The following DOCK3 variants were observed in gnomAD, a reference collection of about 807,000 sequenced individuals.
DOCK3 encodes dedicator of cytokinesis protein 3.
Under a neutral mutation model 265.6 loss-of-function variants are expected in DOCK3, and 60 were observed. That is an observed-to-expected ratio of 0.23 (90% CI 0.18 to 0.28). The LOEUF is 0.28. Ranked by LOEUF, DOCK3 falls within the 10% of genes least tolerant of loss-of-function variation. DOCK3 has a pLI of 1.00. For synonymous variants in DOCK3, 881 were observed against 938.0 expected (o/e 0.94, Z 1.11); for missense variants, 1,981 against 2,594.3 (o/e 0.76, Z 5.14).
At chr3:50,812,339 C>G (rs1028327889) in intron 2 of DOCK3, among the ~76,000 whole-genome samples, 1 of 152,220 alleles carries the variant, frequency 6.6e-6, no homozygotes, top group Non-Finnish European at 1.5e-5. Context: ...AGCACCCTCT[C>G]TTAAAGCCCA....
At chr3:51,074,780 C>T (rs1038065409) in intron 6 of DOCK3, among the ~76,000 whole-genome samples, 6 of 152,046 alleles carry the variant, frequency 3.9e-5, no homozygotes, top group South Asian at 2.1e-4. Context: ...CCATGGCACA[C>T]GTTCACCTGT....
intron 5 of DOCK3, among the ~76,000 whole-genome samples, chr3:50,952,041 G>A (rs2076605182): frequency 6.6e-6 from 1 of 152,096 alleles, no homozygotes; most frequent in Non-Finnish European, 1.5e-5. Flanking sequence ...GGGTTGACTG[G>A]GTAGCTTTAG....
At chr3:51,059,260 G>A (rs557335600) in intron 5 of DOCK3, among the ~76,000 whole-genome samples, 68 of 152,114 alleles carry the variant, frequency 4.5e-4, no homozygotes, top group Admixed American at 1.2e-3. Flanking sequence ...TCCCATTCAC[G>A]AGGGCTTGGC....
At chr3:50,726,865 T>C (rs1664510300) in intron 1 of DOCK3, among the ~76,000 whole-genome samples, 1 of 152,116 alleles carries the variant, frequency 6.6e-6, no homozygotes, top group Admixed American at 6.5e-5. Context: ...ATTGTGAGAC[T>C]TGCAAAGAAA....
chr3:50,933,006 C>T (rs1299316356), intron 4 of DOCK3, among the ~76,000 whole-genome samples: 1 of 152,182 alleles, frequency 6.6e-6, no homozygotes, highest in Non-Finnish European at 1.5e-5. Context: ...AGCAAAGTCA[C>T]ATCTTACATG....
rs183275945 is a variant in DOCK3 at position 51,256,570 on chromosome 3, G to A, written c.2185-3586G>A. ...ACAGGTGTGAGCCATCGCACCCAGC[G>A]AAGAGCTTGAGTTTTCGTTTTTGTT... On this transcript the variant is annotated intron_variant, in intron 22 of 52. Coordinates refer to ENST00000266037, the MANE Select transcript of DOCK3 (RefSeq NM_004947.5). 1.1e-4 allele frequency among the ~76,000 whole-genome samples: 17 copies of A among 150,202 alleles called. No homozygotes were observed. The South Asian group carries it at 2.5e-3, about 22-fold the overall frequency.
chr3:51,238,461 T>G (rs1313700193), intron 21 of DOCK3, among the ~76,000 whole-genome samples: 1 of 152,102 alleles, frequency 6.6e-6, no homozygotes, highest in African/African-American at 2.4e-5. Flanking sequence ...TGTTTGTTTT[T>G]TAATTTTATT....
chr3:50,725,741 C>T (rs903562328), intron 1 of DOCK3, among the ~76,000 whole-genome samples: 1 of 152,092 alleles, frequency 6.6e-6, no homozygotes, highest in Non-Finnish European at 1.5e-5. Flanking sequence ...GACTTTGTCT[C>T]AAATAATTGT....
intron 5 of DOCK3, among the ~76,000 whole-genome samples, chr3:51,049,816 C>T (rs191590815): frequency 1.1e-3 from 145 of 136,558 alleles, no homozygotes; most frequent in African/African-American, 3.6e-3. Flanking sequence ...CACACACACA[C>T]ACACACACAC....
At chr3:50,723,681 T>G (rs1373743250) in intron 1 of DOCK3, among the ~76,000 whole-genome samples, 1 of 152,136 alleles carries the variant, frequency 6.6e-6, no homozygotes, top group African/African-American at 2.4e-5. Flanking sequence ...CCTTACACCT[T>G]TTACAAAAAT....
At chr3:50,692,820 A>G (rs9826757) in intron 1 of DOCK3, among the ~76,000 whole-genome samples, 119,006 of 152,056 alleles carry the variant, frequency 0.78, 47,636 homozygotes, top group Middle Eastern at 0.89. Context: ...ATCCAGTGTC[A>G]TGAACCTTTC....
intron 5 of DOCK3, among the ~76,000 whole-genome samples, chr3:51,052,826 G>A (rs2081043413): frequency 6.6e-6 from 1 of 151,632 alleles, no homozygotes; most frequent in African/African-American, 2.4e-5. Flanking sequence ...CTTTTACTGT[G>A]GAATGTGTTT....
intron 5 of DOCK3, among the ~76,000 whole-genome samples, chr3:50,989,669 G>A (rs1422825721): frequency 1.3e-5 from 2 of 152,188 alleles, no homozygotes; most frequent in African/African-American, 2.4e-5. Flanking sequence ...AATCTACACA[G>A]TAGTTAAAGG....
intron 33 of DOCK3, among the ~76,000 whole-genome samples, chr3:51,330,968 A>G (rs1021980496): frequency 1.3e-5 from 2 of 152,236 alleles, no homozygotes; most frequent in Non-Finnish European, 2.9e-5. Context: ...AACCTCTAGC[A>G]TATTTTTTCA....
chr3:51,096,617 T>C (rs1342593947), intron 9 of DOCK3, among the ~76,000 whole-genome samples: 2 of 152,324 alleles, frequency 1.3e-5, no homozygotes, highest in East Asian at 3.9e-4. Context: ...GAGTTTGTTA[T>C]TACCCACCTT....
chr3:51,098,023 C>T (rs1464742818), intron 9 of DOCK3, among the ~76,000 whole-genome samples: 1 of 152,184 alleles, frequency 6.6e-6, no homozygotes, highest in Non-Finnish European at 1.5e-5. Flanking sequence ...GCGTTGATCT[C>T]GCTGGGAGCT....
chr3:51,312,507 T>C lies in DOCK3; in HGVS notation c.3125T>C (p.Leu1042Pro). 1.2e-6 allele frequency: 2 copies of C among 1,608,402 alleles called. No individual in the cohort carries two copies. The highest frequency in any genetic ancestry group is 4.5e-5 in the East Asian group (2 of 44,874). Reference sequence around the variant, plus strand: ...AATTCTTACTTTAGCCTGGCAGTTCTATTCATAAATCAGCCAAGCCTTCAG... The same window carrying C: ...AATTCTTACTTTAGCCTGGCAGTTCCATTCATAAATCAGCCAAGCCTTCAG... ...VWNSYFSLAV[L>P]FINQPSLQLE... is the part of the protein sequence containing the mutation. The change falls in exon 30 of 53, where the codon CTA (leucine) becomes CCA (proline). Residue 1042 changes from leucine to proline, a missense_variant. Physicochemically the swap from Leu to Pro is moderately conservative, Grantham distance 98. Around this residue, in one of 4 missense-constraint regions of DOCK3, gnomAD observed 1,357 missense variants for 1,866.8 expected, o/e 0.73. Coordinates refer to ENST00000266037, the MANE Select transcript of DOCK3 (RefSeq NM_004947.5).
chr3:51,349,039 C>CTTT (rs2085789689), intron 39 of DOCK3, 101 bp downstream of exon 39: 1 of 1,162,192 alleles, frequency 8.6e-7, no homozygotes, highest in Non-Finnish European at 1.2e-6. Context: ...GTGGACAATA[C>CTTT]AAGAGAAACA....
chr3:50,862,730 C>T (rs1376478069), intron 3 of DOCK3, among the ~76,000 whole-genome samples: 1 of 152,186 alleles, frequency 6.6e-6, no homozygotes, highest in Admixed American at 6.5e-5. Context: ...GCCTTTCCCC[C>T]TAATCCAGAG....
Sources: allele counts gnomAD v4.1 joint callset (sites outside exome capture counted in the v4.1 genomes callset), GRCh38; gene constraint gnomAD v4.1.1; regional missense constraint gnomAD v4.1.1; transcripts MANE v1.5; gene names NCBI Gene and HGNC (gene_info 2026-07-23, HGNC 2026-07-21).